Variants in CLASP2 observed in about 807,000 individuals in gnomAD.
The protein encoded by CLASP2 is cytoplasmic linker associated protein 2.
CLASP2 carries 47 observed loss-of-function variants against 194.4 expected under a neutral mutation model. That is an observed-to-expected ratio of 0.24 (90% CI 0.19 to 0.31). The LOEUF (loss-of-function observed/expected upper bound fraction) is 0.31. Ranked by LOEUF, CLASP2 falls within the 10% of genes least tolerant of loss-of-function variation. CLASP2 has a pLI of 1.00. For synonymous variants in CLASP2, 619 were observed against 633.5 expected (o/e 0.98, Z 0.34); for missense variants, 1,445 against 1,823.6 (o/e 0.79, Z 3.78).
chr3:33,583,242 T>C (rs1167529979), intron 22 of CLASP2, among the ~76,000 whole-genome samples: 1 of 152,134 alleles, frequency 6.6e-6, no homozygotes, highest in Non-Finnish European at 1.5e-5. Context: ...GGGAAAGCAA[T>C]CCTAAAGGAT....
chr3:33,507,268 G>A (rs2048523322), intron 37 of CLASP2, among the ~76,000 whole-genome samples: 2 of 152,052 alleles, frequency 1.3e-5, no homozygotes, highest in Non-Finnish European at 2.9e-5. Context: ...CTCTTTAACA[G>A]TTGATAACCT....
intron 25 of CLASP2, among the ~76,000 whole-genome samples, chr3:33,571,250 T>G (rs1482340036): frequency 6.8e-6 from 1 of 147,930 alleles, no homozygotes; most frequent in Non-Finnish European, 1.5e-5. Flanking sequence ...CCTGACCTCA[T>G]GATCCGCCCG....
At position 33,607,340 on chromosome 3, in the gene CLASP2, T is replaced by TA. The variant is rs775627693; in HGVS notation, c.1526+43dup. ...TTCATTCTCCTAATACATTTTTTTT[T>TA]AAAAAAGATTAAACTGTCACAAAAC... On this transcript the variant is annotated intron_variant, in intron 15 of 38. Coordinates refer to ENST00000682230, the MANE Select transcript of CLASP2 (RefSeq NM_001365631.1). The TA allele has an allele frequency of 2.1e-5, 28 of 1,330,138 alleles. No homozygotes were observed. In the African/African-American group the frequency reaches 2.2e-4, roughly 11 times the overall value. 82.4% of individuals were successfully genotyped at this position (1,330,138 alleles called of 1,614,324 possible).
intron 8 of CLASP2, among the ~76,000 whole-genome samples, chr3:33,634,304 A>C (rs914469038): frequency 2.6e-5 from 4 of 152,228 alleles, no homozygotes; most frequent in African/African-American, 9.6e-5. Flanking sequence ...GAATAAAACA[A>C]AACCATCATT....
At chr3:33,669,428 T>C (rs1218099637) in intron 6 of CLASP2, among the ~76,000 whole-genome samples, 1 of 151,976 alleles carries the variant, frequency 6.6e-6, no homozygotes, top group Non-Finnish European at 1.5e-5. Flanking sequence ...ACATTAAAAT[T>C]AAGAACTTAT....
chr3:33,536,102 C>T (rs2057282021), intron 33 of CLASP2, among the ~76,000 whole-genome samples: 4 of 152,034 alleles, frequency 2.6e-5, no homozygotes, highest in Admixed American at 2.6e-4. Context: ...ATGTGCCAAG[C>T]CATTTGCTAG....
intron 33 of CLASP2, among the ~76,000 whole-genome samples, chr3:33,536,641 TAG>T (rs2057394564): frequency 6.6e-6 from 1 of 152,216 alleles, no homozygotes; most frequent in African/African-American, 2.4e-5. Flanking sequence ...AGACCTCCTA[TAG>T]AGTTGAGTGA....
intron 11 of CLASP2, 27 bp downstream of exon 11, chr3:33,622,108 C>A: frequency 6.7e-7 from 1 of 1,493,842 alleles, no homozygotes; most frequent in Non-Finnish European, 9.0e-7. Flanking sequence ...TCATAAAAAA[C>A]ACTTATCATA....
intron 6 of CLASP2, among the ~76,000 whole-genome samples, chr3:33,663,823 T>C (rs1401906032): frequency 1.3e-5 from 2 of 152,148 alleles, no homozygotes; most frequent in African/African-American, 2.4e-5. Flanking sequence ...AAAAATATCC[T>C]AGTTTCAACC....
chr3:33,603,673 A>G (rs1394800709), intron 17 of CLASP2, among the ~76,000 whole-genome samples: 1 of 151,998 alleles, frequency 6.6e-6, no homozygotes, highest in Admixed American at 6.5e-5. Flanking sequence ...CCCAGGCTGG[A>G]GTGCAGTGGC....
chr3:33,538,159 A>T (rs1432567783), intron 33 of CLASP2, among the ~76,000 whole-genome samples: 1 of 150,314 alleles, frequency 6.7e-6, no homozygotes, highest in African/African-American at 2.5e-5. Context: ...AAAAAGACTC[A>T]ATGTGATCTG....
intron 8 of CLASP2, chr3:33,644,434 G>A: frequency 3.3e-6 from 1 of 301,742 alleles, no homozygotes; most frequent in Non-Finnish European, 6.4e-6. Flanking sequence ...AAAATTAGTA[G>A]CCAAATTCTG....
At chr3:33,585,607 T>C (rs1342014092) in intron 21 of CLASP2, among the ~76,000 whole-genome samples, 1 of 152,144 alleles carries the variant, frequency 6.6e-6, no homozygotes, top group Non-Finnish European at 1.5e-5. Context: ...GTTTTTGGGG[T>C]AGAGGTGGTG....
intron 1 of CLASP2, among the ~76,000 whole-genome samples, chr3:33,706,320 G>A (rs1264597264): frequency 6.6e-6 from 1 of 152,134 alleles, no homozygotes; most frequent in Non-Finnish European, 1.5e-5. Flanking sequence ...CAGGATACAA[G>A]GAACAGAGAA....
intron 13 of CLASP2, among the ~76,000 whole-genome samples, chr3:33,609,628 A>G (rs1209050955): frequency 6.6e-6 from 1 of 152,152 alleles, no homozygotes; most frequent in Non-Finnish European, 1.5e-5. Flanking sequence ...GTTGGTACCA[A>G]TATTAGCCCA....
chr3:33,642,668 T>C (rs1407809700), intron 8 of CLASP2, among the ~76,000 whole-genome samples: 2 of 151,892 alleles, frequency 1.3e-5, no homozygotes, highest in South Asian at 4.1e-4. Flanking sequence ...AAGAAAACTT[T>C]CTACAACCAA....
rs1386150847 is a variant in CLASP2, at chr3:33,608,813, C to T, written c.1389-187G>A. The stretch of plus-strand genomic sequence containing the variant: ...TCTTGCCCAGGCTGGAGTGCAGTGG[C>T]GCGATCTCGGCTCACTGCAACCTCT... On this transcript the variant is annotated intron_variant, in intron 13 of 38. Coordinates refer to ENST00000682230, the MANE Select transcript of CLASP2 (RefSeq NM_001365631.1). 4.6e-5 allele frequency among the ~76,000 whole-genome samples: 6 copies of T among 130,536 alleles called. No homozygotes were observed. The East Asian group carries it at 9.0e-4, about 20-fold the overall frequency. 85.6% of individuals were successfully genotyped at this position (130,536 alleles called of 152,430 possible).
chr3:33,622,984 T>C (rs922980883), intron 10 of CLASP2, among the ~76,000 whole-genome samples: 2 of 152,062 alleles, frequency 1.3e-5, no homozygotes, highest in Non-Finnish European at 2.9e-5. Flanking sequence ...AATTTTTGTA[T>C]TTTTAGTAGA....
chr3:33,518,227 T>C (rs1358932140), intron 34 of CLASP2, among the ~76,000 whole-genome samples: 1 of 152,214 alleles, frequency 6.6e-6, no homozygotes, highest in African/African-American at 2.4e-5. Flanking sequence ...TGCCTTCTTT[T>C]TAAAAGCATA....
Sources: allele counts gnomAD v4.1 joint callset (sites outside exome capture counted in the v4.1 genomes callset), GRCh38; gene constraint gnomAD v4.1.1; transcripts MANE v1.5; gene names NCBI Gene and HGNC (gene_info 2026-07-23, HGNC 2026-07-21).